Variants in FOCAD observed in about 807,000 individuals in gnomAD.
The protein encoded by FOCAD is KIAA1797.
FOCAD carries 198 observed loss-of-function variants against 225.6 expected under a neutral mutation model. That is an observed-to-expected ratio of 0.88 (90% CI 0.78 to 0.99). FOCAD has a LOEUF of 0.99. Ranked by LOEUF, FOCAD falls within the 50% of genes least tolerant of loss-of-function variation. FOCAD has a pLI of 0.00. For missense variants in FOCAD, 2,713 were observed against 2,123.6 expected (o/e 1.28, Z -5.46); for synonymous variants, 897 against 755.0 (o/e 1.19, Z -3.08).
At chr9:20,682,863 C>G (rs1457146399), upstream of FOCAD, among the ~76,000 whole-genome samples, 4 of 152,162 alleles carry the variant, frequency 2.6e-5, no homozygotes, top group African/African-American at 9.7e-5. Context: ...CTCCGCCTCC[C>G]GGGTTCAAGC....
chr9:20,952,847 C>T, intron 34 of FOCAD, 138 bp from the exon 35 acceptor site: 1 of 692,290 alleles, frequency 1.4e-6, no homozygotes, highest in Non-Finnish European at 2.5e-6. Flanking sequence ...GTTGCAGCCA[C>T]AAAGTGTTGT....
intron 4 of FOCAD, among the ~76,000 whole-genome samples, chr9:20,729,242 G>A (rs1826463223): frequency 6.6e-6 from 1 of 152,158 alleles, no homozygotes; most frequent in Non-Finnish European, 1.5e-5. Context: ...GAGGCTCTGT[G>A]GGGGAATCTG....
At chr9:20,787,968 G>T (rs1054513729) in intron 10 of FOCAD, among the ~76,000 whole-genome samples, 1 of 151,992 alleles carries the variant, frequency 6.6e-6, no homozygotes, top group Admixed American at 6.6e-5. Context: ...CTACTCTTAG[G>T]TATATACTCA....
chr9:20,740,323 G>C lies in FOCAD; in HGVS notation c.375G>C (p.Gln125His). Reference protein sequence around the residue: ...KEGQGGEKNIQSIYTIRNHPH... With the variant: ...KEGQGGEKNIHSIYTIRNHPH... Reference sequence around the variant, plus strand: ...GACAAGGTGGGGAAAAGAATATTCAGAGTATATATACCATTAGGTAAGCCT... The same window carrying C: ...GACAAGGTGGGGAAAAGAATATTCACAGTATATATACCATTAGGTAAGCCT... Residue 125 changes from glutamine to histidine, a missense_variant, in exon 5 of 44, where the codon CAG becomes CAC. Coordinates refer to ENST00000338382, the MANE Select transcript of FOCAD (RefSeq NM_001375567.1). 1.2e-6 allele frequency: 2 copies of C among 1,601,608 alleles called. No individual in the cohort carries two copies. The highest frequency in any genetic ancestry group is 1.7e-6 in the Non-Finnish European group (2 of 1,169,906).
Position 20,988,443 on chromosome 9 carries a change from G to T in FOCAD, c.5004+14G>T, listed in dbSNP as rs770184397. 4.9e-6 allele frequency: 7 copies of T among 1,422,450 alleles called. No individual in the cohort carries two copies. The Admixed American group carries it at 7.3e-5, about 15-fold the overall frequency. The allele number at this position is 1,422,450 out of a possible 1,614,324, so 88.1% of individuals were successfully genotyped here. ...GCTCTTGACAAGGTAAAATCTAGAG[G>T]AGTAGTTTATAGCTTCCTTAAAATA... On this transcript the variant is annotated intron_variant, in intron 41 of 43. Coordinates refer to ENST00000338382, the MANE Select transcript of FOCAD (RefSeq NM_001375567.1).
intron 21 of FOCAD, among the ~76,000 whole-genome samples, chr9:20,893,757 A>C (rs1831834648): frequency 6.6e-6 from 1 of 152,086 alleles, no homozygotes; most frequent in Non-Finnish European, 1.5e-5. Context: ...CAATGTATGG[A>C]GCATTCCCAT....
Position 20,769,936 on chromosome 9 carries a change from G to C in FOCAD, c.700-96G>C. 4 of 1,122,646 alleles carry C rather than the reference G, an allele frequency of 3.6e-6. No homozygotes were observed. In the East Asian group the frequency reaches 7.5e-5, roughly 21 times the overall value. The allele number at this position is 1,122,646 out of a possible 1,614,324, so 69.5% of individuals were successfully genotyped here. The stretch of plus-strand genomic sequence containing the variant: ...TCTCCTTTAAGTCTTTATAGGTTTA[G>C]AGAAAAAATTACATTGTTCAAAGCT... On this transcript the variant is annotated intron_variant, in intron 7 of 43. Coordinates refer to ENST00000338382, the MANE Select transcript of FOCAD (RefSeq NM_001375567.1).
chr9:20,843,412 T>C (rs563661031), intron 15 of FOCAD, among the ~76,000 whole-genome samples: 3 of 152,132 alleles, frequency 2.0e-5, no homozygotes, highest in Non-Finnish European at 2.9e-5. Context: ...TTCAGCACTT[T>C]AAATATGTCA....
chr9:20,936,807 A>T (rs574828846), intron 28 of FOCAD, among the ~76,000 whole-genome samples: 8 of 152,370 alleles, frequency 5.3e-5, no homozygotes, highest in Non-Finnish European at 1.2e-4. Flanking sequence ...TGTAGATGGC[A>T]TGATTGTATA....
intron 42 of FOCAD, among the ~76,000 whole-genome samples, chr9:20,992,143 G>A (rs1841729086): frequency 6.6e-6 from 1 of 151,932 alleles, no homozygotes; most frequent in Admixed American, 6.5e-5. Flanking sequence ...AACCAAGATT[G>A]GCAGCATTCA....
intron 25 of FOCAD, 143 bp downstream of exon 25, chr9:20,923,911 C>T (rs1834700247): frequency 6.6e-6 from 4 of 607,886 alleles, no homozygotes. Flanking sequence ...ATACTGTGAG[C>T]CTCAGTGTCT....
At chr9:20,893,436 A>G (rs556176419) in intron 21 of FOCAD, among the ~76,000 whole-genome samples, 11 of 152,196 alleles carry the variant, frequency 7.2e-5, no homozygotes, top group African/African-American at 2.4e-4. Flanking sequence ...CAAAAATGCT[A>G]CTATTAAATT....
At chr9:20,684,822 A>T (rs954746706) in intron 1 of FOCAD, 1 of 152,296 alleles carries the variant, frequency 6.6e-6, no homozygotes, top group African/African-American at 2.4e-5. Flanking sequence ...ATGGGTGAGC[A>T]GGGCCTGTTT....
chr9:20,671,309 T>C (rs934640159), intron 2 of FOCAD, among the ~76,000 whole-genome samples: 1 of 152,126 alleles, frequency 6.6e-6, no homozygotes, highest in Non-Finnish European at 1.5e-5. Context: ...AGGAAAAAGC[T>C]CTTGAGACTG....
intron 1 of FOCAD, among the ~76,000 whole-genome samples, chr9:20,695,896 C>G (rs562281832): frequency 3.9e-5 from 6 of 152,170 alleles, no homozygotes; most frequent in Non-Finnish European, 7.3e-5. Context: ...TGTGTATAGT[C>G]AAGATTGGCC....
Position 20,863,661 on chromosome 9 carries a change from A to G in FOCAD, c.2055+949A>G, listed in dbSNP as rs1276047737. The stretch of plus-strand genomic sequence containing the variant: ...AAAGAATCAATTTGTGACTGTGAGT[A>G]TACAGTTCACCAACATTCTTTCTTA... On this transcript the variant is annotated intron_variant, in intron 16 of 43. Coordinates refer to ENST00000338382, the MANE Select transcript of FOCAD (RefSeq NM_001375567.1). 4 of 152,136 alleles carry G rather than the reference A, an allele frequency of 2.6e-5. No individual in the cohort carries two copies. The South Asian group carries it at 8.3e-4, about 31-fold the overall frequency. The allele number at this position is 152,136 out of a possible 1,614,324, so 9.4% of individuals were successfully genotyped here. A position where few individuals can be genotyped will look rare whatever the true frequency, so the allele number is the denominator to read the frequency against.
chr9:20,918,778 A>T (rs1380764205), intron 24 of FOCAD, among the ~76,000 whole-genome samples: 1 of 152,186 alleles, frequency 6.6e-6, no homozygotes, highest in Non-Finnish European at 1.5e-5. Flanking sequence ...TAATAAAGCA[A>T]TCTTGACAAT....
chr9:20,869,077 A>G (rs572032123), intron 18 of FOCAD, among the ~76,000 whole-genome samples: 1 of 152,310 alleles, frequency 6.6e-6, no homozygotes, highest in South Asian at 2.1e-4. Context: ...ACTATAAAAC[A>G]GTGATGTGAA....
upstream of FOCAD, among the ~76,000 whole-genome samples, chr9:20,682,692 A>G (rs1425674432): frequency 6.6e-6 from 1 of 152,206 alleles, no homozygotes; most frequent in Non-Finnish European, 1.5e-5. Context: ...AAAGTCCATA[A>G]AAAGGGAATT....
Sources: gnomAD v4.1 joint callset for allele counts (sites outside exome capture counted in the v4.1 genomes callset) on GRCh38, gnomAD v4.1.1 for gene constraint, MANE v1.5 for transcripts, NCBI Gene and HGNC (gene_info 2026-07-23, HGNC 2026-07-21) for gene names.